The following MATN2 variants were observed in gnomAD, a reference collection of about 807,000 sequenced individuals.
MATN2 encodes matrilin-2.
A neutral mutation model predicts 103.2 loss-of-function variants in MATN2; 69 were observed. The ratio of observed to expected loss-of-function variants is 0.67; its 90% CI spans 0.55 to 0.82. The LOEUF (loss-of-function observed/expected upper bound fraction) is 0.82, where lower values mean the gene tolerates loss of function less well. Ranked by LOEUF, MATN2 falls within the 40% of genes least tolerant of loss-of-function variation. The pLI, the probability that MATN2 is intolerant of heterozygous loss-of-function variation, is 0.00. For synonymous variants in MATN2, 429 were observed against 450.2 expected (o/e 0.95, Z 0.60); for missense variants, 1,023 against 1,211.5 (o/e 0.84, Z 2.31).
Position 97,927,326 on chromosome 8 carries a change from A to T in MATN2, c.143-3627A>T, listed in dbSNP as rs868621014. Among the ~76,000 whole-genome samples, 566 of 60,480 alleles carry T rather than the reference A, an allele frequency of 9.4e-3. 3 individuals are homozygous for T. The highest frequency in any genetic ancestry group is 0.032 in the African/African-American group (546 of 17,318). The allele number at this position is 60,480 out of a possible 152,430, so 39.7% of individuals were successfully genotyped here. ...ACCCAGCTAATTTTGTATTATTATT[A>T]TTTTTTTTTTTTTAGTAGAGATGGG... On this transcript the variant is annotated intron_variant, in intron 2 of 18. Coordinates refer to ENST00000254898, the MANE Select transcript of MATN2 (RefSeq NM_002380.5).
Position 98,007,358 on chromosome 8 carries a change from G to C in MATN2, c.1451-121G>C. On this transcript the variant is annotated intron_variant, in intron 9 of 18. Coordinates refer to ENST00000254898, the MANE Select transcript of MATN2 (RefSeq NM_002380.5). The surrounding 1 kb of genome is among the most constrained non-coding windows in gnomAD (Gnocchi z 4.2). ...TTGCTCTGCTCCAGGAGATAGTGAG[G>C]ATGTCCACTGGGACTGCATGCCTTC... 6.5e-7 allele frequency: 1 copy of C among 1,548,726 alleles called. No homozygotes were observed. Among genetic ancestry groups the C allele is most frequent in the South Asian group, 1.2e-5 (1 of 83,650 alleles).
At chr8:98,021,516 A>G (rs1272445345) in intron 13 of MATN2, among the ~76,000 whole-genome samples, 189 bp downstream of exon 13, 4 of 152,214 alleles carry the variant, frequency 2.6e-5, no homozygotes, top group African/African-American at 4.8e-5. Context: ...TTTAATTGAC[A>G]GTAAATTCAT....
At chr8:97,919,681 C>T (rs568977130) in intron 2 of MATN2, among the ~76,000 whole-genome samples, 1 of 152,204 alleles carries the variant, frequency 6.6e-6, no homozygotes, top group African/African-American at 2.4e-5. Flanking sequence ...CCCAAACCCC[C>T]ACCCACAAGC....
chr8:97,872,900 TCTC>T (rs1245700127), intron 1 of MATN2, among the ~76,000 whole-genome samples: 1 of 152,052 alleles, frequency 6.6e-6, no homozygotes, highest in Non-Finnish European at 1.5e-5. Context: ...GTTCAAGTGT[TCTC>T]CTGCTTCAGC....
intron 2 of MATN2, among the ~76,000 whole-genome samples, chr8:97,921,812 A>G (rs1809817198): frequency 6.6e-6 from 1 of 152,152 alleles, no homozygotes; most frequent in African/African-American, 2.4e-5. Context: ...CTCTTTGACA[A>G]GCCCATGTAG....
intron 12 of MATN2, 144 bp downstream of exon 12, chr8:98,018,260 A>G (rs1813443373): frequency 9.1e-7 from 1 of 1,102,582 alleles, no homozygotes; most frequent in Non-Finnish European, 1.3e-6. Context: ...GTGTTTAGCT[A>G]GAGATCAGTT....
At position 98,007,383 on chromosome 8, in the gene MATN2, C is replaced by A; in HGVS notation, c.1451-96C>A. The A allele has an allele frequency of 6.4e-7, 1 of 1,557,648 alleles. No individual in the cohort carries two copies. ...GATGTCCACTGGGACTGCATGCCTT[C>A]GAGGGAGGGCGGGGTGAGCATGACG... On this transcript the variant is annotated intron_variant, in intron 9 of 18. Transcript: ENST00000254898. This position sits in a 1 kb window ranked among gnomAD's most constrained non-coding sequence, Gnocchi z 4.2.
At chr8:97,961,958 C>T (rs1159387612) in intron 5 of MATN2, among the ~76,000 whole-genome samples, 1 of 152,190 alleles carries the variant, frequency 6.6e-6, no homozygotes, top group Non-Finnish European at 1.5e-5. Flanking sequence ...TCACCTATAG[C>T]TCAGTGACAG....
chr8:97,988,167 A>ATAT lies in MATN2; in HGVS notation c.1082-6313_1082-6312insTAT, dbSNP rs1187704584. Among the ~76,000 whole-genome samples, 50 of 59,340 alleles carry ATAT rather than the reference A, an allele frequency of 8.4e-4. No individual in the cohort carries two copies. The South Asian group carries it at 0.013, about 15-fold the overall frequency. 38.9% of individuals were successfully genotyped at this position (59,340 alleles called of 152,430 possible). A position where few individuals can be genotyped will look rare whatever the true frequency, so the allele number is the denominator to read the frequency against. Reference sequence around the variant, plus strand: ...CCATCTCCACCAAAAAAAAAAAAAAAAAAAATATATATATATATATATACA... The same window carrying ATAT: ...CCATCTCCACCAAAAAAAAAAAAAAATATAAAAATATATATATATATATATACA... On this transcript the variant is annotated intron_variant, in intron 6 of 18. Transcript: ENST00000254898.
intron 2 of MATN2, among the ~76,000 whole-genome samples, chr8:97,919,654 T>G (rs2130101907): frequency 6.6e-6 from 1 of 152,296 alleles, no homozygotes; most frequent in South Asian, 2.1e-4. Flanking sequence ...ATCTGCAATC[T>G]TTCTCTTCCC....
At chr8:97,871,058 G>T (rs1817879799) in intron 1 of MATN2, among the ~76,000 whole-genome samples, 1 of 152,224 alleles carries the variant, frequency 6.6e-6, no homozygotes, top group Non-Finnish European at 1.5e-5. Flanking sequence ...AAGCTTGCTT[G>T]TTGGAGGTGT....
intron 6 of MATN2, among the ~76,000 whole-genome samples, chr8:97,981,124 G>A (rs940518849): frequency 1.7e-4 from 26 of 151,294 alleles, no homozygotes; most frequent in African/African-American, 4.6e-4. Context: ...GGTTGGGGCT[G>A]TAGTGAGCCA....
At chr8:98,000,315 C>T (rs543820583) in intron 7 of MATN2, among the ~76,000 whole-genome samples, 10 of 151,912 alleles carry the variant, frequency 6.6e-5, no homozygotes, top group African/African-American at 2.4e-4. Flanking sequence ...ATATGGATAA[C>T]AGGCCAGGTG....
At chr8:98,002,212 A>G (rs1383815517) in intron 7 of MATN2, among the ~76,000 whole-genome samples, 1 of 152,168 alleles carries the variant, frequency 6.6e-6, no homozygotes, top group African/African-American at 2.4e-5. Flanking sequence ...CCTGGTTATG[A>G]CACAGTTTCC....
rs181664354 is a variant in MATN2, at chr8:97,886,356, A to T, written c.-26-1719A>T. Among the ~76,000 whole-genome samples the T allele has an allele frequency of 1.7e-3, 258 of 152,330 alleles. 1 individual carries two copies. Among genetic ancestry groups the T allele is most frequent in the African/African-American group, 5.6e-3 (231 of 41,564 alleles). On this transcript the variant is annotated intron_variant, in intron 1 of 18. Transcript: ENST00000254898. ...CACCCCCACAGCTGGGTCTGTGGAA[A>T]AATTGTCTTCCACAATATTGGTCCC...
At chr8:97,986,383 T>G (rs973246868) in intron 6 of MATN2, among the ~76,000 whole-genome samples, 1 of 152,226 alleles carries the variant, frequency 6.6e-6, no homozygotes. Flanking sequence ...CTGAGATTTT[T>G]GGTGCAACCA....
chr8:97,949,908 C>A (rs1447760936), intron 4 of MATN2, among the ~76,000 whole-genome samples: 4 of 152,134 alleles, frequency 2.6e-5, no homozygotes, highest in East Asian at 1.9e-4. Context: ...CCCAAAAAAA[C>A]CAGAACATAC....
chr8:97,875,479 A>G (rs890656885), intron 1 of MATN2, among the ~76,000 whole-genome samples: 13 of 152,046 alleles, frequency 8.6e-5, no homozygotes, highest in Admixed American at 5.9e-4. Flanking sequence ...GGAAATCTCA[A>G]TGGAGTTTTA....
chr8:97,963,774 A>G (rs1811392480), intron 5 of MATN2, among the ~76,000 whole-genome samples: 1 of 152,184 alleles, frequency 6.6e-6, no homozygotes, highest in Non-Finnish European at 1.5e-5. Flanking sequence ...TAGCATCACC[A>G]GCCTTACCAC....
Sources: allele counts gnomAD v4.1 joint callset (sites outside exome capture counted in the v4.1 genomes callset), GRCh38; gene constraint gnomAD v4.1.1; non-coding constraint Gnocchi (gnomAD v3.1); transcripts MANE v1.5; gene names NCBI Gene and HGNC (gene_info 2026-07-23, HGNC 2026-07-21).